Variants in SMIM35 observed in about 807,000 individuals in gnomAD.
SMIM35 encodes the protein TMPRSS4 antisense RNA 1 (non-protein coding).
intron 4 of SMIM35, among the ~76,000 whole-genome samples, chr11:118,010,864 G>A (rs756659589): frequency 1.2e-4 from 18 of 152,216 alleles, no homozygotes; most frequent in Non-Finnish European, 2.4e-4. Context: ...TAAAAAGGTA[G>A]CGGGAAGGTG....
intron 1 of SMIM35, among the ~76,000 whole-genome samples, chr11:118,084,950 G>C (rs1392745174): frequency 6.6e-6 from 1 of 152,156 alleles, no homozygotes. Flanking sequence ...GATCAAGGCA[G>C]CTGAGACCCC....
chr11:118,025,579 T>G (rs1289047216), intron 1 of SMIM35: 1 of 454,574 alleles, frequency 2.2e-6, no homozygotes, highest in Non-Finnish European at 4.4e-6. Flanking sequence ...TGTTGGCCAC[T>G]TGTATGTCTT....
chr11:118,019,321 T>C (rs2058207500), intron 1 of SMIM35, among the ~76,000 whole-genome samples: 1 of 152,210 alleles, frequency 6.6e-6, no homozygotes, highest in East Asian at 1.9e-4. Context: ...AGGAAGGAAG[T>C]AAAATGAAGA....
At chr11:118,079,541 G>A (rs1001004708) in intron 1 of SMIM35, among the ~76,000 whole-genome samples, 1 of 152,200 alleles carries the variant, frequency 6.6e-6, no homozygotes, top group African/African-American at 2.4e-5. Flanking sequence ...GGAAGTCAGG[G>A]ACCCTGGGAC....
rs1402732608 is a variant in SMIM35, at chr11:118,086,731, C to T, written c.7+20G>A. 2.6e-5 allele frequency: 4 copies of T among 153,046 alleles called. No individual in the cohort carries two copies. The highest frequency in any genetic ancestry group is 4.8e-5 in the African/African-American group (2 of 41,458). 9.5% of individuals were successfully genotyped at this position (153,046 alleles called of 1,614,324 possible). ...TCTCCTGCCCCATGATCTTCCAGCC[C>T]TCAGTGACCCTCTCCTTACCTGTCA... is the stretch of plus-strand genomic sequence containing the variant. On this transcript the variant is annotated intron_variant, in intron 1 of 4. Transcript: ENST00000689828.
chr11:118,069,397 C>G (rs1944536145), intron 1 of SMIM35, among the ~76,000 whole-genome samples: 1 of 152,172 alleles, frequency 6.6e-6, no homozygotes, highest in Non-Finnish European at 1.5e-5. Context: ...CCCCCTCTCC[C>G]TGCCTCGCCC....
intron 1 of SMIM35, among the ~76,000 whole-genome samples, chr11:118,035,887 G>C (rs1404960293): frequency 6.6e-6 from 1 of 152,144 alleles, no homozygotes; most frequent in Non-Finnish European, 1.5e-5. Flanking sequence ...TGTGGTGTTT[G>C]TTTGTTTGTT....
chr11:118,034,722 C>T (rs1394995763), intron 1 of SMIM35, among the ~76,000 whole-genome samples: 3 of 152,098 alleles, frequency 2.0e-5, no homozygotes, highest in Non-Finnish European at 4.4e-5. Context: ...CAAACAGGCT[C>T]AGTGTCCACA....
intron 1 of SMIM35, among the ~76,000 whole-genome samples, chr11:118,074,443 C>T (rs1944620789): frequency 6.6e-6 from 1 of 152,064 alleles, no homozygotes; most frequent in African/African-American, 2.4e-5. Context: ...CTGAGGCTTC[C>T]TCCGGGAGAA....
chr11:118,007,383 T>C (rs533355465), intron 4 of SMIM35, among the ~76,000 whole-genome samples: 6 of 152,160 alleles, frequency 3.9e-5, no homozygotes, highest in African/African-American at 9.6e-5. Context: ...GAAATGGGAC[T>C]AGAATAGAAG....
At chr11:118,016,056 T>C (rs2058180516) in intron 1 of SMIM35, among the ~76,000 whole-genome samples, 1 of 152,180 alleles carries the variant, frequency 6.6e-6, no homozygotes, top group Non-Finnish European at 1.5e-5. Context: ...ATAGTAGAGA[T>C]TGTTTGAGGT....
intron 1 of SMIM35, among the ~76,000 whole-genome samples, chr11:118,033,216 C>T (rs1221733426): frequency 1.3e-5 from 2 of 152,164 alleles, no homozygotes; most frequent in African/African-American, 2.4e-5. Context: ...TAGCGATTAA[C>T]AAGGATTCTA....
intron 1 of SMIM35, among the ~76,000 whole-genome samples, chr11:118,052,138 G>A (rs1276413001): frequency 6.6e-6 from 1 of 152,138 alleles, no homozygotes; most frequent in Non-Finnish European, 1.5e-5. Flanking sequence ...GGAACAATGC[G>A]GGTAGCGGGT....
At position 118,071,579 on chromosome 11, in the gene SMIM35, G is replaced by A. The variant is rs77719283; in HGVS notation, c.7+15172C>T. On this transcript the variant is annotated intron_variant, in intron 1 of 4. Coordinates refer to ENST00000689828, the MANE Select transcript of SMIM35 (RefSeq NM_001394165.1). Reference sequence around the variant, plus strand: ...TTGCCAGCTCATGCCCACCCACTGCGCCCTTCTCTACCTAATTTCTTGGAA... The same window carrying A: ...TTGCCAGCTCATGCCCACCCACTGCACCCTTCTCTACCTAATTTCTTGGAA... 2.0e-4 allele frequency among the ~76,000 whole-genome samples: 30 copies of A among 152,258 alleles called. No individual in the cohort carries two copies. In the East Asian group the frequency reaches 5.6e-3, roughly 28 times the overall value.
At chr11:118,018,736 T>C (rs572959298) in intron 1 of SMIM35, among the ~76,000 whole-genome samples, 21 of 152,312 alleles carry the variant, frequency 1.4e-4, no homozygotes, top group Admixed American at 2.6e-4. Flanking sequence ...GTCTCCACTG[T>C]TACTTTTTTG....
intron 1 of SMIM35, among the ~76,000 whole-genome samples, chr11:118,058,008 TGCAGGGTAGGGTAACCGCAG>T (rs1308689715): frequency 3.3e-5 from 5 of 152,210 alleles, no homozygotes; most frequent in African/African-American, 1.2e-4. Flanking sequence ...GATACCTGGC[TGCAGGGTAGGGTAACCGCAG>T]GCAGGGGATT....
chr11:118,076,228 C>T (rs959086337), intron 1 of SMIM35, among the ~76,000 whole-genome samples: 9 of 152,092 alleles, frequency 5.9e-5, no homozygotes, highest in African/African-American at 1.4e-4. Context: ...GCCAAGATCG[C>T]GCCACTGCAC....
chr11:118,010,364 G>T (rs1251862372), intron 4 of SMIM35, among the ~76,000 whole-genome samples: 2 of 152,138 alleles, frequency 1.3e-5, no homozygotes, highest in African/African-American at 4.8e-5. Flanking sequence ...ACTTAGAGGA[G>T]AGAAAAGCTC....
chr11:118,009,125 G>A (rs948673484), intron 4 of SMIM35, among the ~76,000 whole-genome samples: 4 of 152,180 alleles, frequency 2.6e-5, no homozygotes, highest in Non-Finnish European at 5.9e-5. Context: ...ACAAAAGGAA[G>A]AAAGAGGAGT....
Sources: gnomAD v4.1 joint callset for allele counts (sites outside exome capture counted in the v4.1 genomes callset) on GRCh38, gnomAD v4.1.1 for gene constraint, MANE v1.5 for transcripts, NCBI Gene and HGNC (gene_info 2026-07-23, HGNC 2026-07-21) for gene names.